Variants in RAB28 observed in about 807,000 individuals in gnomAD.
The protein encoded by RAB28 is ras-related protein Rab-28.
Under a neutral mutation model 31.7 loss-of-function variants are expected in RAB28, and 24 were observed. The ratio of observed to expected loss-of-function variants is 0.76; its 90% CI spans 0.55 to 1.06. The LOEUF (loss-of-function observed/expected upper bound fraction) is 1.06, where lower values mean the gene tolerates loss of function less well. Among genes scored for constraint, RAB28 ranks in the 50% least tolerant of loss-of-function variants. The pLI is 0.00. For synonymous variants in RAB28, 100 were observed against 90.4 expected, an observed-to-expected ratio of 1.11 and a Z score of -0.60; for missense variants, 254 against 258.5, an observed-to-expected ratio of 0.98 and a Z score of 0.12.
rs554513232 is a variant in RAB28 at position 13,477,266 on chromosome 4, T to C, written c.172+2164A>G. Among the ~76,000 whole-genome samples the C allele has an allele frequency of 4.0e-5, 6 of 151,638 alleles. No homozygotes were observed. The South Asian group carries it at 8.3e-4, about 21-fold the overall frequency. ...TGAAATATACTAAAATGGATGAGTA[T>C]TTGCAAAGTAATGATCTTGAAAACT... On this transcript the variant is annotated intron_variant, in intron 2 of 6. Transcript: ENST00000330852.
chr4:13,404,204 C>T (rs867510671), intron 4 of RAB28, among the ~76,000 whole-genome samples: 1 of 152,060 alleles, frequency 6.6e-6, no homozygotes, highest in African/African-American at 2.4e-5. Flanking sequence ...CATGGAGAAA[C>T]CCCATCTCCA....
intron 4 of RAB28, among the ~76,000 whole-genome samples, chr4:13,440,872 T>G (rs1714378211): frequency 6.6e-6 from 1 of 150,448 alleles, no homozygotes; most frequent in South Asian, 2.1e-4. Flanking sequence ...AAAAAAAACA[T>G]GAGAAGACAA....
At position 13,422,055 on chromosome 4, in the gene RAB28, GA is replaced by G. The variant is rs544161876; in HGVS notation, c.391+38643del. ...ACAAAGAACTTAAACAAACTTACAA[GA>G]AAAAAAAAAACAACCCCATCAAAAA... On this transcript the variant is annotated intron_variant, in intron 4 of 6. Coordinates refer to ENST00000330852, the MANE Select transcript of RAB28 (RefSeq NM_001017979.3). Among the ~76,000 whole-genome samples the G allele has an allele frequency of 1.3e-3, 174 of 138,646 alleles. 2 individuals are homozygous for G. The highest frequency in any genetic ancestry group is 0.012 in the South Asian group (49 of 4,022). 91.0% of individuals were successfully genotyped at this position (138,646 alleles called of 152,430 possible).
intron 2 of RAB28, among the ~76,000 whole-genome samples, chr4:13,478,989 G>A (rs1716488655): frequency 6.6e-6 from 1 of 151,576 alleles, no homozygotes; most frequent in Non-Finnish European, 1.5e-5. Flanking sequence ...TTAGAGCACA[G>A]AAGTTCCATA....
At chr4:13,380,030 A>C (rs1247636020) in intron 5 of RAB28, among the ~76,000 whole-genome samples, 3 of 152,180 alleles carry the variant, frequency 2.0e-5, no homozygotes, top group African/African-American at 7.2e-5. Flanking sequence ...TACAAGTTAA[A>C]ATAATTCTGA....
At chr4:13,411,315 T>C (rs563947977) in intron 4 of RAB28, among the ~76,000 whole-genome samples, 5 of 152,198 alleles carry the variant, frequency 3.3e-5, no homozygotes, top group South Asian at 2.1e-4. Flanking sequence ...TGTGAATAAA[T>C]AGCTGATGTA....
At chr4:13,412,553 G>C (rs1459016597) in intron 4 of RAB28, among the ~76,000 whole-genome samples, 1 of 152,130 alleles carries the variant, frequency 6.6e-6, no homozygotes, top group African/African-American at 2.4e-5. Context: ...AAAAAGGAGA[G>C]AGAAGTAGGG....
intron 4 of RAB28, among the ~76,000 whole-genome samples, chr4:13,452,411 C>T (rs1715020145): frequency 6.6e-6 from 1 of 151,876 alleles, no homozygotes; most frequent in Non-Finnish European, 1.5e-5. Flanking sequence ...TTTATTGATA[C>T]ATACTTGCCT....
rs544504995 is a variant in RAB28, at chr4:13,367,979, C to T, written c.*579G>A. On this transcript the variant is annotated 3_prime_UTR_variant, in exon 7 of 7. Transcript: ENST00000330852. ...TGTGAGTTACAAACTACAATATAAA[C>T]AATTTAGGCCCTTTTTTAAAAAATG... 4 of 969,166 alleles carry T rather than the reference C, an allele frequency of 4.1e-6. No individual in the cohort carries two copies. The highest frequency in any genetic ancestry group is 4.9e-6 in the Non-Finnish European group (4 of 815,330). The allele number at this position is 969,166 out of a possible 1,614,324, so 60.0% of individuals were successfully genotyped here.
chr4:13,437,744 T>C (rs1714203087), intron 4 of RAB28, among the ~76,000 whole-genome samples: 2 of 152,184 alleles, frequency 1.3e-5, no homozygotes, highest in Non-Finnish European at 2.9e-5. Flanking sequence ...TTATACACTG[T>C]TGTGGGAATG....
At chr4:13,404,954 C>A (rs1711989653) in intron 4 of RAB28, among the ~76,000 whole-genome samples, 1 of 149,858 alleles carries the variant, frequency 6.7e-6, no homozygotes. Context: ...TGGTTATTCC[C>A]AAATTACAGA....
At chr4:13,369,269 A>C (rs1324612422) in intron 6 of RAB28, among the ~76,000 whole-genome samples, 1 of 152,132 alleles carries the variant, frequency 6.6e-6, no homozygotes, top group Non-Finnish European at 1.5e-5. Context: ...AACAAAAAAG[A>C]GTATGATGAA....
chr4:13,400,225 A>G (rs889807955), intron 4 of RAB28, among the ~76,000 whole-genome samples: 2 of 152,082 alleles, frequency 1.3e-5, no homozygotes, highest in African/African-American at 2.4e-5. Context: ...TGAATTCCCT[A>G]TTGTCTTTAT....
intron 4 of RAB28, among the ~76,000 whole-genome samples, chr4:13,419,620 T>C (rs1320642434): frequency 6.6e-6 from 1 of 152,130 alleles, no homozygotes; most frequent in Non-Finnish European, 1.5e-5. Context: ...CATAACTACA[T>C]GAAAACTGAA....
At chr4:13,437,016 T>A (rs1488540117) in intron 4 of RAB28, among the ~76,000 whole-genome samples, 1 of 152,130 alleles carries the variant, frequency 6.6e-6, no homozygotes, top group African/African-American at 2.4e-5. Flanking sequence ...AATAGACACA[T>A]AGACCAATTG....
chr4:13,439,808 G>C (rs1230546014), intron 4 of RAB28, among the ~76,000 whole-genome samples: 2 of 152,006 alleles, frequency 1.3e-5, no homozygotes, highest in Non-Finnish European at 2.9e-5. Flanking sequence ...TGGGGTTTGG[G>C]CTTCTGTTGA....
chr4:13,431,094 C>T (rs1039622514), intron 4 of RAB28, among the ~76,000 whole-genome samples: 3 of 152,208 alleles, frequency 2.0e-5, no homozygotes, highest in African/African-American at 7.2e-5. Flanking sequence ...CTCAGGCTTT[C>T]ACAAAGGGCG....
chr4:13,457,094 T>C (rs1161076115), intron 4 of RAB28, among the ~76,000 whole-genome samples: 2 of 152,304 alleles, frequency 1.3e-5, no homozygotes, highest in Non-Finnish European at 2.9e-5. Context: ...ATGCATTCTA[T>C]CTAAGTTGTA....
At chr4:13,381,043 C>T (rs995816452) in intron 5 of RAB28, among the ~76,000 whole-genome samples, 3 of 152,020 alleles carry the variant, frequency 2.0e-5, no homozygotes, top group African/African-American at 7.2e-5. Context: ...CCTCTCTCCT[C>T]CACTTATTAG....
Sources: allele counts gnomAD v4.1 joint callset (sites outside exome capture counted in the v4.1 genomes callset), GRCh38; gene constraint gnomAD v4.1.1; transcripts MANE v1.5; gene names NCBI Gene and HGNC (gene_info 2026-07-23, HGNC 2026-07-21).